Variants in CAPN3 observed in about 807,000 individuals in gnomAD.
CAPN3 encodes the protein calpain-3.
A neutral mutation model predicts 114.0 loss-of-function variants in CAPN3; 88 were observed. That is an observed-to-expected ratio of 0.77 (90% confidence interval 0.65 to 0.92). The LOEUF is 0.92. Ranked by LOEUF, CAPN3 falls within the 40% of genes least tolerant of loss-of-function variation. The pLI is 0.00. For synonymous variants in CAPN3, 386 were observed against 382.9 expected (o/e 1.01, Z -0.09); for missense variants, 1,028 against 1,069.0 (o/e 0.96, Z 0.53).
intron 1 of CAPN3, among the ~76,000 whole-genome samples, chr15:42,363,940 T>C (rs536412213): frequency 1.3e-5 from 2 of 152,334 alleles, no homozygotes; most frequent in South Asian, 4.1e-4. Flanking sequence ...TTCTGAGATT[T>C]AGATGTCAAT....
At chr15:42,373,777 G>T (rs1320184870) in intron 1 of CAPN3, among the ~76,000 whole-genome samples, 1 of 152,112 alleles carries the variant, frequency 6.6e-6, no homozygotes, top group African/African-American at 2.4e-5. Flanking sequence ...TGAGGGGTGG[G>T]CCAGGGACAT....
chr15:42,385,363 CTCTTTCCAAGG>C (rs2141157730), intron 2 of CAPN3, among the ~76,000 whole-genome samples: 1 of 152,184 alleles, frequency 6.6e-6, no homozygotes, highest in South Asian at 2.1e-4. Flanking sequence ...AACCAATAAC[CTCTTTCCAAGG>C]AAAGACTGGC....
chr15:42,398,355 C>G (rs191960475), intron 9 of CAPN3, among the ~76,000 whole-genome samples: 20 of 151,930 alleles, frequency 1.3e-4, no homozygotes, highest in Non-Finnish European at 4.4e-5. Flanking sequence ...GAGGCTGAGG[C>G]GGGCAGATCA....
In CAPN3 at chr15:42,398,106, TGGGGTACATATGTACCCATATTTTG is replaced by T. The variant is rs1220496298; in HGVS notation, c.1193+1267_1193+1291del. ...GATATATCATAGCTATATATATTTT[TGGGGTACATATGTACCCATATTTTG>T]GGGGTACATATGTACCCATATTTTG... On this transcript the variant is annotated intron_variant, in intron 9 of 23. Coordinates refer to ENST00000397163, the MANE Select transcript of CAPN3 (RefSeq NM_000070.3). Among the ~76,000 whole-genome samples, 678 of 135,904 alleles carry T rather than the reference TGGGGTACATATGTACCCATATTTTG, an allele frequency of 5.0e-3. 3 individuals carry two copies. Among genetic ancestry groups the T allele is most frequent in the African/African-American group, 0.018 (484 of 27,262 alleles). 89.2% of individuals were successfully genotyped at this position (135,904 alleles called of 152,430 possible).
intron 1 of CAPN3, among the ~76,000 whole-genome samples, chr15:42,381,050 A>G (rs1487660166): frequency 6.6e-6 from 1 of 151,280 alleles, no homozygotes; most frequent in East Asian, 1.9e-4. Context: ...AAGTATTACC[A>G]TTTCCTTCCT....
Position 42,399,663 on chromosome 15 carries a change from C to T in CAPN3, c.1354+11C>T, listed in dbSNP as rs761760729. On this transcript the variant is annotated intron_variant, in intron 10 of 23. Transcript: ENST00000397163. ...GCCGCAACTTCCCAGGTGGGAGATG[C>T]TCTTGATGGGGGGAGGGTCTAAGCC... is the stretch of plus-strand genomic sequence containing the variant. The T allele has an allele frequency of 6.3e-7, 1 of 1,590,042 alleles. No homozygotes were observed. The highest frequency in any genetic ancestry group is 8.6e-7 in the Non-Finnish European group (1 of 1,166,774).
chr15:42,396,832 A>G lies in CAPN3; in HGVS notation c.1148A>G (p.Glu383Gly), dbSNP rs886043889. Reference protein sequence around the residue: ...WKDWSFVDKDEKARLQHQVTE... With the variant: ...WKDWSFVDKDGKARLQHQVTE... Reference sequence around the variant, plus strand: ...GACTGGAGCTTTGTGGACAAAGATGAGAAGGCCCGTCTGCAGCACCAGGTC... The same window carrying G: ...GACTGGAGCTTTGTGGACAAAGATGGGAAGGCCCGTCTGCAGCACCAGGTC... The change falls in exon 9 of 24, where the codon GAG becomes GGG. Residue 383 changes from glutamate to glycine, a missense_variant. By Grantham distance (98) the Glu-to-Gly change is moderately conservative. Coordinates refer to ENST00000397163, the MANE Select transcript of CAPN3 (RefSeq NM_000070.3). 3 of 1,613,948 alleles carry G rather than the reference A, an allele frequency of 1.9e-6. No individual in the cohort carries two copies. Among genetic ancestry groups the G allele is most frequent in the Non-Finnish European group, 2.5e-6 (3 of 1,179,950 alleles).
In CAPN3 at chr15:42,394,152, G is replaced by A. The variant is rs28364454; in HGVS notation, c.1030-104G>A. On this transcript the variant is annotated intron_variant, in intron 7 of 23. Transcript: ENST00000397163. Reference sequence around the variant, plus strand: ...GGCCAGAGCCAGGCAGAACACCCTCGCGTAAGAGATTTGCCCCCCAGCCCC... The same window carrying A: ...GGCCAGAGCCAGGCAGAACACCCTCACGTAAGAGATTTGCCCCCCAGCCCC... 3,608 of 1,035,052 alleles carry A rather than the reference G, an allele frequency of 3.5e-3. 86 individuals are homozygous for A. The African/African-American group carries it at 0.051, about 15-fold the overall frequency. The allele number at this position is 1,035,052 out of a possible 1,614,324, so 64.1% of individuals were successfully genotyped here. A position where few individuals can be genotyped will look rare whatever the true frequency, so the allele number is the denominator to read the frequency against.
At chr15:42,387,610 A>G (rs2053438398) in intron 3 of CAPN3, 143 bp from the exon 4 acceptor site, 5 of 1,049,096 alleles carry the variant, frequency 4.8e-6, no homozygotes, top group South Asian at 1.3e-5. Context: ...CAAACACAAA[A>G]TAGGATGAAC....
intron 9 of CAPN3, among the ~76,000 whole-genome samples, chr15:42,399,079 C>A (rs752713365): frequency 2.1e-4 from 32 of 152,110 alleles, no homozygotes; most frequent in Non-Finnish European, 4.0e-4. Flanking sequence ...GCCACAGCAC[C>A]CTGGTGAGCA....
rs28364364 is a variant in CAPN3 at position 42,359,867 on chromosome 15, G to A, written c.62G>A (p.Gly21Glu). The A allele has an allele frequency of 2.2e-3, 3,530 of 1,614,104 alleles. 55 individuals are homozygous for A. The African/African-American group carries it at 0.038, about 17-fold the overall frequency. Residue 21 changes from glycine to glutamate, a missense_variant, in exon 1 of 24, where the codon GGG (glycine) becomes GAG (glutamate). By Grantham distance (98) the Gly-to-Glu change is moderately conservative. Coordinates refer to ENST00000397163, the MANE Select transcript of CAPN3 (RefSeq NM_000070.3). ...PRTAAEPRSP[G>E]PVPHPAQSKA... The stretch of plus-strand genomic sequence containing the variant: ...ACAGCGGCTGAGCCCCGGTCCCCAG[G>A]GCCAGTTCCTCACCCGGCCCAGAGC...
At position 42,412,123 on chromosome 15, in the gene CAPN3, C is replaced by T. The variant is rs773160594; in HGVS notation, c.*350C>T. ...AGCACCTGCCGGTGGCACTCAGCAC[C>T]TCCTTGTGCTAGAGCCCTCCATCAC... On this transcript the variant is annotated 3_prime_UTR_variant, in exon 24 of 24. Coordinates refer to ENST00000397163, the MANE Select transcript of CAPN3 (RefSeq NM_000070.3). 5.9e-6 allele frequency: 9 copies of T among 1,535,820 alleles called. No individual in the cohort carries two copies. The highest frequency in any genetic ancestry group is 2.0e-5 in the Admixed American group (1 of 50,982).
At chr15:42,405,985 C>CAT in intron 15 of CAPN3, 42 bp downstream of exon 15, 1 of 1,570,886 alleles carries the variant, frequency 6.4e-7, no homozygotes, top group South Asian at 1.1e-5. Context: ...TGTACTCATG[C>CAT]ATATGTATGT....
chr15:42,376,356 G>C (rs2053088989), intron 1 of CAPN3, among the ~76,000 whole-genome samples: 1 of 152,284 alleles, frequency 6.6e-6, no homozygotes, highest in African/African-American at 2.4e-5. Context: ...CTGCATGGGA[G>C]CTTTGTCTAT....
At chr15:42,398,813 C>G (rs2053782447) in intron 9 of CAPN3, among the ~76,000 whole-genome samples, 1 of 113,924 alleles carries the variant, frequency 8.8e-6, no homozygotes, top group African/African-American at 3.6e-5. Flanking sequence ...GAGACAGAGT[C>G]TCACTTTGTC....
intron 14 of CAPN3, chr15:42,404,250 A>T: frequency 2.2e-6 from 1 of 456,554 alleles, no homozygotes; most frequent in Non-Finnish European, 4.4e-6. Context: ...TAAAACGGGG[A>T]TGATAATGTG....
intron 1 of CAPN3, among the ~76,000 whole-genome samples, chr15:42,375,290 T>G (rs1461490715): frequency 1.3e-5 from 2 of 152,074 alleles, no homozygotes; most frequent in Admixed American, 6.6e-5. Flanking sequence ...ACCTGCCTTC[T>G]TAATCTTTCA....
At chr15:42,381,420 C>G (rs189293045) in intron 1 of CAPN3, among the ~76,000 whole-genome samples, 2 of 152,262 alleles carry the variant, frequency 1.3e-5, no homozygotes, top group Admixed American at 6.5e-5. Flanking sequence ...TACAGTCTTT[C>G]CATAGGCTTT....
chr15:42,404,014 T>A (rs1595839922), intron 14 of CAPN3: 1 of 630,568 alleles, frequency 1.6e-6, no homozygotes, highest in African/African-American at 1.9e-5. Flanking sequence ...AAGAGGGTCC[T>A]GGAAAGGAGA....
Sources: gnomAD v4.1 joint callset for allele counts (sites outside exome capture counted in the v4.1 genomes callset) on GRCh38, gnomAD v4.1.1 for gene constraint, MANE v1.5 for transcripts, NCBI Gene and HGNC (gene_info 2026-07-23, HGNC 2026-07-21) for gene names.